PAX5: variants seen among roughly 807,000 people sequenced by gnomAD.
PAX5 encodes paired box protein Pax-5.
A neutral mutation model predicts 43.7 loss-of-function variants in PAX5; 9 were observed. The observed-to-expected ratio is 0.21, with a 90% CI of 0.12 to 0.36. PAX5 has a LOEUF of 0.36. Ranked by LOEUF, PAX5 falls within the 10% of genes least tolerant of loss-of-function variation. The pLI is 1.00. For synonymous variants in PAX5, 228 were observed against 214.3 expected, an observed-to-expected ratio of 1.06 and a Z score of -0.56; for missense variants, 383 against 532.7, an observed-to-expected ratio of 0.72 and a Z score of 2.77.
chr9:36,839,421 G>T lies in PAX5; in HGVS notation c.*1139C>A, dbSNP rs1821873742. The T allele has an allele frequency of 4.3e-6, 1 of 233,784 alleles. No individual in the cohort carries two copies. The highest frequency in any genetic ancestry group is 8.4e-6 in the Non-Finnish European group (1 of 118,412). The allele number at this position is 233,784 out of a possible 1,614,324, so 14.5% of individuals were successfully genotyped here. On this transcript the variant is annotated 3_prime_UTR_variant, in exon 10 of 10. Transcript: ENST00000358127. ...GCTAAGCTCCACGAGGACGGGGAGGGTCTGCCCCGAGAGGATGCTCAGAAG... is the reference window on the plus strand; with the variant it reads ...GCTAAGCTCCACGAGGACGGGGAGGTTCTGCCCCGAGAGGATGCTCAGAAG...
intron 3 of PAX5, among the ~76,000 whole-genome samples, chr9:37,011,430 C>T (rs1838923295): frequency 6.6e-6 from 1 of 152,164 alleles, no homozygotes; most frequent in South Asian, 2.1e-4. Context: ...ATAGAGCTGC[C>T]CCTCTAAGCT....
At chr9:36,931,229 G>A (rs1471017316) in intron 6 of PAX5, among the ~76,000 whole-genome samples, 1 of 152,256 alleles carries the variant, frequency 6.6e-6, no homozygotes, top group Non-Finnish European at 1.5e-5. Flanking sequence ...GAGTGGGTGA[G>A]AGGTGTCTCC....
At position 36,846,910 on chromosome 9, in the gene PAX5, A is replaced by G; in HGVS notation, c.1032T>C (p.Ser344=). The change falls in exon 9 of 10, where the codon AGT becomes AGC. Residue 344 remains serine, a synonymous_variant. Coordinates refer to ENST00000358127, the MANE Select transcript of PAX5 (RefSeq NM_016734.3). ...AGGAATACTGAGGGTGGCTGTAGGG[A>G]CTCCCGGAAAACTCACTCCCTGTGT... ...GMVPGSEFSG[S]PYSHPQYSSY... The G allele has an allele frequency of 2.5e-6, 4 of 1,613,528 alleles. No homozygotes were observed. In the South Asian group the frequency reaches 4.4e-5, roughly 18 times the overall value.
intron 5 of PAX5, among the ~76,000 whole-genome samples, chr9:36,970,436 AG>A (rs1310541280): frequency 2.6e-5 from 4 of 152,284 alleles, no homozygotes; most frequent in Middle Eastern, 6.8e-3. Context: ...CAGGGGCCAG[AG>A]AGAGGATCTG....
At position 37,009,247 on chromosome 9, in the gene PAX5, C is replaced by G. The variant is rs562159446; in HGVS notation, c.411-2710G>C. On this transcript the variant is annotated intron_variant, in intron 3 of 9. Coordinates refer to ENST00000358127, the MANE Select transcript of PAX5 (RefSeq NM_016734.3). Reference sequence around the variant, plus strand: ...CAGTGTACAGGCTCTGGAACTAGACCACTAGAGTTTGAATCCCATCCCTCT... The same window carrying G: ...CAGTGTACAGGCTCTGGAACTAGACGACTAGAGTTTGAATCCCATCCCTCT... 4.6e-5 allele frequency among the ~76,000 whole-genome samples: 7 copies of G among 152,230 alleles called. No individual in the cohort carries two copies. In the East Asian group the frequency reaches 1.2e-3, roughly 25 times the overall value.
intron 7 of PAX5, among the ~76,000 whole-genome samples, chr9:36,910,356 T>C (rs1470812051): frequency 6.6e-6 from 1 of 152,238 alleles, no homozygotes; most frequent in South Asian, 2.1e-4. Flanking sequence ...ATCTCAAAGA[T>C]ACATTATTTA....
chr9:36,934,982 G>A (rs1402741091), intron 6 of PAX5, among the ~76,000 whole-genome samples: 1 of 152,232 alleles, frequency 6.6e-6, no homozygotes, highest in Non-Finnish European at 1.5e-5. Context: ...GAGAGGATAA[G>A]TGATGTCAAG....
chr9:36,851,425 C>T (rs985040690), intron 8 of PAX5, among the ~76,000 whole-genome samples: 2 of 151,996 alleles, frequency 1.3e-5, no homozygotes, highest in African/African-American at 4.8e-5. Flanking sequence ...CTTGGATGGC[C>T]GGGTTGGTGT....
Position 36,995,778 on chromosome 9 carries a change from G to A in PAX5, c.604+6870C>T, listed in dbSNP as rs563037975. 2.0e-5 allele frequency among the ~76,000 whole-genome samples: 3 copies of A among 152,114 alleles called. No individual in the cohort carries two copies. The East Asian group carries it at 5.8e-4, about 30-fold the overall frequency. The stretch of plus-strand genomic sequence containing the variant: ...CTTCCAGCTCCCATGGGGGAGTCTC[G>A]AGGTCCAGGCTGGTGGCCCCAACAA... On this transcript the variant is annotated intron_variant, in intron 5 of 9. Coordinates refer to ENST00000358127, the MANE Select transcript of PAX5 (RefSeq NM_016734.3).
chr9:36,836,778 C>G lies in PAX5; in HGVS notation c.*3782G>C, dbSNP rs1205146204. The G allele has an allele frequency of 4.3e-6, 1 of 231,996 alleles. No individual in the cohort carries two copies. The highest frequency in any genetic ancestry group is 8.5e-6 in the Non-Finnish European group (1 of 117,432). 14.4% of individuals were successfully genotyped at this position (231,996 alleles called of 1,614,324 possible). ...TGGAGCCTGTTCCAAAGTGCGAAGG[C>G]AAAGAAAGGGAAGTGGGGGACAGCA... On this transcript the variant is annotated 3_prime_UTR_variant, in exon 10 of 10. Coordinates refer to ENST00000358127, the MANE Select transcript of PAX5 (RefSeq NM_016734.3).
At chr9:36,855,955 T>C (rs1823631325) in intron 8 of PAX5, among the ~76,000 whole-genome samples, 1 of 152,232 alleles carries the variant, frequency 6.6e-6, no homozygotes. Flanking sequence ...AGTCCCCCAC[T>C]GGTCCCTGAG....
chr9:36,958,314 T>G (rs1179722474), intron 6 of PAX5, among the ~76,000 whole-genome samples: 4 of 150,338 alleles, frequency 2.7e-5, no homozygotes, highest in Non-Finnish European at 1.5e-5. Flanking sequence ...AAAAATGGCT[T>G]CCATTGAGGA....
chr9:36,923,095 T>G, intron 7 of PAX5: 2 of 418,350 alleles, frequency 4.8e-6, no homozygotes, highest in South Asian at 6.9e-5. Flanking sequence ...TGAGGTTTCC[T>G]GCCCCCTACC....
chr9:36,975,274 T>C (rs921757534), intron 5 of PAX5, among the ~76,000 whole-genome samples: 2 of 152,190 alleles, frequency 1.3e-5, no homozygotes, highest in African/African-American at 4.8e-5. Flanking sequence ...TTGGGCACTG[T>C]GGCAGACCTG....
intron 6 of PAX5, among the ~76,000 whole-genome samples, chr9:36,948,824 C>T (rs530328675): frequency 1.4e-4 from 21 of 152,082 alleles, no homozygotes; most frequent in African/African-American, 4.6e-4. Flanking sequence ...TGCCTCCTCT[C>T]CAACTCCTTT....
At chr9:36,951,970 T>C (rs186427552) in intron 6 of PAX5, among the ~76,000 whole-genome samples, 2 of 152,326 alleles carry the variant, frequency 1.3e-5, no homozygotes, top group East Asian at 3.9e-4. Flanking sequence ...TCTTAGAATG[T>C]TTTAACTTAG....
intron 5 of PAX5, among the ~76,000 whole-genome samples, chr9:36,990,746 G>A (rs528889289): frequency 4.6e-5 from 7 of 152,232 alleles, no homozygotes; most frequent in South Asian, 2.1e-4. Context: ...GCCTTTTTCC[G>A]TGGTGACATG....
chr9:37,003,297 A>T (rs565201578), intron 4 of PAX5, among the ~76,000 whole-genome samples: 10 of 152,068 alleles, frequency 6.6e-5, no homozygotes, highest in Non-Finnish European at 1.0e-4. Context: ...TCCAAACCGC[A>T]GAGTGCCCCT....
chr9:36,946,167 C>G (rs1588048564), intron 6 of PAX5, among the ~76,000 whole-genome samples: 1 of 152,056 alleles, frequency 6.6e-6, no homozygotes, highest in Non-Finnish European at 1.5e-5. Context: ...GGAAGCGACT[C>G]CCTGAGGAGT....
Sources: allele counts gnomAD v4.1 joint callset (sites outside exome capture counted in the v4.1 genomes callset), GRCh38; gene constraint gnomAD v4.1.1; transcripts MANE v1.5; gene names NCBI Gene and HGNC (gene_info 2026-07-23, HGNC 2026-07-21).